Variants in MOBP observed in about 807,000 individuals in gnomAD.
MOBP encodes the protein myelin-associated oligodendrocyte basic protein.
MOBP carries 5 observed loss-of-function variants against 15.0 expected under a neutral mutation model. The observed-to-expected ratio is 0.33, with a 90% CI of 0.17 to 0.70. The LOEUF (loss-of-function observed/expected upper bound fraction) is 0.70. MOBP is among the 30% of genes least tolerant of loss of function. MOBP has a pLI of 0.67. For missense variants in MOBP, 188 were observed against 257.8 expected, an observed-to-expected ratio of 0.73 and a Z score of 1.85; for synonymous variants, 88 against 99.0, an observed-to-expected ratio of 0.89 and a Z score of 0.66.
chr3:39,505,643 G>A (rs1053945341), downstream of MOBP, among the ~76,000 whole-genome samples: 2 of 152,328 alleles, frequency 1.3e-5, no homozygotes, highest in South Asian at 4.1e-4. Context: ...TTCCAGTCCT[G>A]GGAGCTGTGT....
In MOBP at chr3:39,470,460, A is replaced by G. The variant is rs536161541; in HGVS notation, c.-89+2720A>G. ...AAAATTGAGATCCAGAGACTAGCCT[A>G]TGATTACACACAGCTAGTGAATGAC... On this transcript the variant is annotated intron_variant, in intron 1 of 3. Transcript: ENST00000684792. 1.2e-4 allele frequency among the ~76,000 whole-genome samples: 18 copies of G among 152,346 alleles called. No homozygotes were observed. The South Asian group carries it at 3.7e-3, about 32-fold the overall frequency.
At chr3:39,501,809 G>A (rs981803724) in intron 2 of MOBP, among the ~76,000 whole-genome samples, 1 of 151,996 alleles carries the variant, frequency 6.6e-6, no homozygotes, top group Admixed American at 6.6e-5. Flanking sequence ...AAAACATAAG[G>A]AAAACAAGAG....
intron 2 of MOBP, among the ~76,000 whole-genome samples, chr3:39,491,110 A>C (rs566290052): frequency 1.3e-5 from 2 of 152,302 alleles, no homozygotes; most frequent in African/African-American, 4.8e-5. Flanking sequence ...GTGGGAACAA[A>C]GAAAGAGGCT....
rs1167645401 is a variant in MOBP at position 39,469,082 on chromosome 3, G to GTA, written c.-89+1347_-89+1348dup. Reference sequence around the variant, plus strand: ...TATACATATATACATATGTGTGTGTGTATATACATATATACATATGTGTGT... The same window carrying GTA: ...TATACATATATACATATGTGTGTGTGTATATATACATATATACATATGTGTGT... On this transcript the variant is annotated intron_variant, in intron 1 of 3. Transcript: ENST00000684792. Among the ~76,000 whole-genome samples the GTA allele has an allele frequency of 1.9e-4, 7 of 36,818 alleles. 2 individuals carry two copies. The highest frequency in any genetic ancestry group is 1.5e-3 in the South Asian group (2 of 1,358). The allele number at this position is 36,818 out of a possible 152,430, so 24.2% of individuals were successfully genotyped here. A position where few individuals can be genotyped will look rare whatever the true frequency, so the allele number is the denominator to read the frequency against.
Position 39,486,326 on chromosome 3 carries a change from T to C in MOBP, c.-5+6203T>C, listed in dbSNP as rs2042709104. ...ATACGTGAAGCCCTTGAACAGTGCC[T>C]GGTTTGTATCTCATTCCACGTGTTT... On this transcript the variant is annotated intron_variant, in intron 2 of 3. Coordinates refer to ENST00000684792, the MANE Select transcript of MOBP (RefSeq NM_001393704.1). Among the ~76,000 whole-genome samples, 6 of 152,324 alleles carry C rather than the reference T, an allele frequency of 3.9e-5. No individual in the cohort carries two copies. In the South Asian group the frequency reaches 1.0e-3, roughly 26 times the overall value.
chr3:39,473,563 G>A (rs1281105738), intron 1 of MOBP, among the ~76,000 whole-genome samples: 1 of 152,200 alleles, frequency 6.6e-6, no homozygotes, highest in Admixed American at 6.5e-5. Context: ...AAGGGCAGAA[G>A]AATATTAGTT....
chr3:39,470,229 T>C lies in MOBP; in HGVS notation c.-89+2489T>C, dbSNP rs149124999. 3.9e-3 allele frequency among the ~76,000 whole-genome samples: 597 copies of C among 152,286 alleles called. 14 individuals are homozygous for C. The highest frequency in any genetic ancestry group is 1.4e-3 in the Non-Finnish European group (97 of 68,016). On this transcript the variant is annotated intron_variant, in intron 1 of 3. Coordinates refer to ENST00000684792, the MANE Select transcript of MOBP (RefSeq NM_001393704.1). ...CAAAAGTGTTTCCTACATGTTCTAGTACTCACACCTCAGCACTGAACTACA... is the reference window on the plus strand; with the variant it reads ...CAAAAGTGTTTCCTACATGTTCTAGCACTCACACCTCAGCACTGAACTACA...
At position 39,502,179 on chromosome 3, in the gene MOBP, A is replaced by T; in HGVS notation, c.110A>T (p.Lys37Met). 1.2e-6 allele frequency: 2 copies of T among 1,614,220 alleles called. No homozygotes were observed. Among genetic ancestry groups the T allele is most frequent in the Non-Finnish European group, 1.7e-6 (2 of 1,180,038 alleles). The change falls in exon 3 of 4, where the codon AAG becomes ATG. Residue 37 changes from lysine (K) to methionine (M), a missense_variant. Lys to Met is a moderately conservative substitution (Grantham distance 95). Around this residue, in one of 2 missense-constraint regions of MOBP, gnomAD observed 133 missense variants for 212.5 expected, o/e 0.63. Coordinates refer to ENST00000684792, the MANE Select transcript of MOBP (RefSeq NM_001393704.1). The surrounding 1 kb of genome is among the most constrained non-coding windows in gnomAD (Gnocchi z 6.3). Reference protein sequence around the residue: ...CPPFTFLNSKKEIVDRKYSIC... With the variant: ...CPPFTFLNSKMEIVDRKYSIC... ...CCGTTCACCTTCCTCAATTCCAAGA[A>T]GGAGATAGTGGATCGGAAATACAGC...
chr3:39,505,752 G>A (rs2043040323), downstream of MOBP, among the ~76,000 whole-genome samples: 1 of 152,142 alleles, frequency 6.6e-6, no homozygotes, highest in African/African-American at 2.4e-5. Flanking sequence ...TAACCCAATT[G>A]TCTCTCATTC....
At chr3:39,510,469 AT>A (rs2043105418) in intron 4 of MOBP, among the ~76,000 whole-genome samples, 1 of 152,088 alleles carries the variant, frequency 6.6e-6, no homozygotes, top group South Asian at 2.1e-4. Flanking sequence ...ATATCTCTCT[AT>A]TTATTTAGGT....
At chr3:39,485,062 G>C (rs1443953371) in intron 2 of MOBP, among the ~76,000 whole-genome samples, 1 of 152,112 alleles carries the variant, frequency 6.6e-6, no homozygotes, top group Non-Finnish European at 1.5e-5. Context: ...ATTAGATTTT[G>C]ACATCTTGCT....
At chr3:39,503,621 T>C (rs2043008941), downstream of MOBP, among the ~76,000 whole-genome samples, 3 of 150,922 alleles carry the variant, frequency 2.0e-5, no homozygotes, top group Non-Finnish European at 4.4e-5. Context: ...AGATTTCCTC[T>C]ATATTCTTGC....
intron 3 of MOBP, among the ~76,000 whole-genome samples, chr3:39,523,790 A>G (rs1768127): frequency 0.31 from 47,625 of 152,056 alleles, 9,821 homozygotes; most frequent in African/African-American, 0.59. Flanking sequence ...ATCTTGGAAA[A>G]GACATGGAGT....
downstream of MOBP, among the ~76,000 whole-genome samples, chr3:39,519,692 A>G (rs974425087): frequency 2.6e-5 from 4 of 152,076 alleles, no homozygotes; most frequent in Admixed American, 2.0e-4. Context: ...GCTGTCTAGT[A>G]TATTTATTCA....
exon 5 of MOBP, chr3:39,513,620 T>C (rs1474293090): frequency 1.6e-6 from 1 of 607,480 alleles, no homozygotes; most frequent in Non-Finnish European, 2.9e-6. Flanking sequence ...AGCAGGGCTA[T>C]CTCTGTGTGT....
intron 2 of MOBP, among the ~76,000 whole-genome samples, chr3:39,481,712 A>C (rs1401739753): frequency 6.6e-6 from 1 of 152,074 alleles, no homozygotes. Context: ...TCCCTCCATA[A>C]ACCCTCAAAT....
intron 4 of MOBP, among the ~76,000 whole-genome samples, chr3:39,511,224 G>T (rs2043115352): frequency 6.6e-6 from 1 of 152,182 alleles, no homozygotes. Context: ...CACATTTGGG[G>T]ACAATCTCAG....
downstream of MOBP, among the ~76,000 whole-genome samples, chr3:39,518,154 T>C (rs1404721582): frequency 1.3e-5 from 2 of 152,166 alleles, no homozygotes; most frequent in Non-Finnish European, 2.9e-5. Flanking sequence ...AATTCACAAC[T>C]TCAGGCTGGG....
chr3:39,489,914 C>T (rs1016778409), intron 2 of MOBP, among the ~76,000 whole-genome samples: 7 of 152,196 alleles, frequency 4.6e-5, no homozygotes, highest in African/African-American at 1.7e-4. Context: ...AATACAACCT[C>T]TTCATAAGCA....
Sources: allele counts gnomAD v4.1 joint callset (sites outside exome capture counted in the v4.1 genomes callset), GRCh38; gene constraint gnomAD v4.1.1; regional missense constraint gnomAD v4.1.1; non-coding constraint Gnocchi (gnomAD v3.1); transcripts MANE v1.5; gene names NCBI Gene and HGNC (gene_info 2026-07-23, HGNC 2026-07-21).